POLN: variants seen among roughly 807,000 people sequenced by gnomAD.
POLN encodes the protein DNA polymerase nu.
A neutral mutation model predicts 113.5 loss-of-function variants in POLN; 108 were observed. That is an observed-to-expected ratio of 0.95 (90% CI 0.81 to 1.12). POLN has a LOEUF of 1.12. Ranked by LOEUF, POLN falls within the 50% of genes most tolerant of loss-of-function variation. The pLI, the probability that POLN is intolerant of heterozygous loss-of-function variation, is 0.00. For missense variants in POLN, 1,097 were observed against 1,077.1 expected, an observed-to-expected ratio of 1.02 and a Z score of -0.26; for synonymous variants, 386 against 391.5, an observed-to-expected ratio of 0.99 and a Z score of 0.17.
chr4:2,180,947 A>C (rs571522786), intron 7 of POLN, among the ~76,000 whole-genome samples: 14 of 152,324 alleles, frequency 9.2e-5, no homozygotes, highest in African/African-American at 3.4e-4. Flanking sequence ...TCCGAATAAT[A>C]TACTTAGAAA....
rs764578660 is a variant in POLN at position 2,207,973 on chromosome 4, C to T, written c.714+14G>A. ...GTGTCAAGACAGCAAATAAAAACATCACTGTTTACTAACCTGGTCAGCTCC... is the reference window on the plus strand; with the variant it reads ...GTGTCAAGACAGCAAATAAAAACATTACTGTTTACTAACCTGGTCAGCTCC... On this transcript the variant is annotated intron_variant, in intron 5 of 25. Coordinates refer to ENST00000511885, the MANE Select transcript of POLN (RefSeq NM_181808.4). 7.0e-6 allele frequency: 11 copies of T among 1,566,090 alleles called. No individual in the cohort carries two copies. The South Asian group carries it at 1.3e-4, about 19-fold the overall frequency.
chr4:2,201,238 G>GCCT lies in POLN; in HGVS notation c.715-2524_715-2522dup, dbSNP rs1340845850. Among the ~76,000 whole-genome samples, 5 of 110,536 alleles carry GCCT rather than the reference G, an allele frequency of 4.5e-5. No homozygotes were observed. The Admixed American group carries it at 7.0e-4, about 15-fold the overall frequency. 72.5% of individuals were successfully genotyped at this position (110,536 alleles called of 152,430 possible). On this transcript the variant is annotated intron_variant, in intron 5 of 25. Transcript: ENST00000511885. The stretch of plus-strand genomic sequence containing the variant: ...GCCCAGATCATGCCACTGCACTCCA[G>GCCT]CCTGAGTGACAGAGTGAGACTCTGT...
chr4:2,123,807 A>G (rs1397212351), intron 19 of POLN, among the ~76,000 whole-genome samples: 1 of 151,898 alleles, frequency 6.6e-6, no homozygotes, highest in African/African-American at 2.4e-5. Context: ...CTTGTCTCAA[A>G]AAAAAACCAA....
rs1390977189 is a variant in POLN, at chr4:2,081,557, G to C, written c.2308+76C>G. 9 of 1,395,460 alleles carry C rather than the reference G, an allele frequency of 6.4e-6. No individual in the cohort carries two copies. In the Admixed American group the frequency reaches 1.6e-4, roughly 25 times the overall value. 86.4% of individuals were successfully genotyped at this position (1,395,460 alleles called of 1,614,324 possible). A position where few individuals can be genotyped will look rare whatever the true frequency, so the allele number is the denominator to read the frequency against. ...GAAATACCGCAACAGTGATCGGTGG[G>C]TGCCACCCAGCCCTGCGGCTGCTAA... On this transcript the variant is annotated intron_variant, in intron 22 of 25. Transcript: ENST00000511885.
At chr4:2,216,895 A>G (rs1425016994) in intron 3 of POLN, among the ~76,000 whole-genome samples, 1 of 152,174 alleles carries the variant, frequency 6.6e-6, no homozygotes, top group Non-Finnish European at 1.5e-5. Context: ...GCCCCATGCT[A>G]TGGGCCATGC....
intron 13 of POLN, among the ~76,000 whole-genome samples, chr4:2,161,334 G>C (rs1298244866): frequency 1.3e-5 from 2 of 152,232 alleles, no homozygotes; most frequent in East Asian, 3.9e-4. Flanking sequence ...GTTCAGGGTG[G>C]GCGTGGGCTT....
At chr4:2,238,948 A>G (rs1734868653) in intron 2 of POLN, 3 of 1,600,940 alleles carry the variant, frequency 1.9e-6, no homozygotes, top group Admixed American at 3.5e-5. Context: ...CAGCAGGTAA[A>G]CTTCTGTCTT....
At position 2,222,017 on chromosome 4, in the gene POLN, C is replaced by T. The variant is rs139430460; in HGVS notation, c.133+7082G>A. On this transcript the variant is annotated intron_variant, in intron 3 of 25. Transcript: ENST00000511885. ...AAACTACCCCCAGCCACCTTGGGCA[C>T]GTCTCAGGACTTCCTAAGGCTGTGT... is the stretch of plus-strand genomic sequence containing the variant. Among the ~76,000 whole-genome samples, 500 of 152,320 alleles carry T rather than the reference C, an allele frequency of 3.3e-3. 3 individuals are homozygous for T. Among genetic ancestry groups the T allele is most frequent in the African/African-American group, 0.011 (463 of 41,558 alleles).
chr4:2,072,238 T>A lies in POLN; in HGVS notation c.2579A>T (p.Glu860Val), dbSNP rs746700537. Residue 860 changes from glutamate (E) to valine (V), a missense_variant, in exon 26 of 26, where the codon GAG becomes GTG. Transcript: ENST00000511885. Reference sequence around the variant, plus strand: ...TGGGCCTGGCGGAGGGCCCCAGGCCTCCTGCAGTGGCACCAGGTGTCCCCA... The same window carrying A: ...TGGGCCTGGCGGAGGGCCCCAGGCCACCTGCAGTGGCACCAGGTGTCCCCA... ...RSWGHLVPLQ[E>V]AWGPPPGPCR... 1 of 1,601,244 alleles carries A rather than the reference T, an allele frequency of 6.2e-7. No individual in the cohort carries two copies. The highest frequency in any genetic ancestry group is 8.5e-7 in the Non-Finnish European group (1 of 1,173,218).
intron 25 of POLN, among the ~76,000 whole-genome samples, chr4:2,072,522 T>C (rs1395906720): frequency 6.6e-6 from 1 of 152,212 alleles, no homozygotes; most frequent in South Asian, 2.1e-4. Flanking sequence ...CACCTCGATC[T>C]TGGCGGAGGT....
At chr4:2,187,139 T>C (rs747894590) in intron 7 of POLN, among the ~76,000 whole-genome samples, 1 of 152,118 alleles carries the variant, frequency 6.6e-6, no homozygotes, top group Non-Finnish European at 1.5e-5. Flanking sequence ...AAAGAGCAAA[T>C]CTAAGAATTA....
intron 4 of POLN, among the ~76,000 whole-genome samples, chr4:2,209,058 T>C (rs1288774584): frequency 6.6e-6 from 1 of 152,154 alleles, no homozygotes; most frequent in Non-Finnish European, 1.5e-5. Context: ...AGACATGTCA[T>C]GGATAGGATT....
intron 16 of POLN, among the ~76,000 whole-genome samples, chr4:2,136,577 C>T (rs1003270295): frequency 5.3e-5 from 8 of 152,226 alleles, no homozygotes; most frequent in Non-Finnish European, 7.3e-5. Flanking sequence ...CAGTGAAAGG[C>T]AAGGTGCTGA....
intron 19 of POLN, among the ~76,000 whole-genome samples, chr4:2,117,694 G>A (rs1473801464): frequency 6.6e-6 from 1 of 152,244 alleles, no homozygotes; most frequent in Non-Finnish European, 1.5e-5. Context: ...GACTGGGTAG[G>A]TGTTGAGGGA....
chr4:2,217,670 T>A (rs896556495), intron 3 of POLN, among the ~76,000 whole-genome samples: 2 of 152,218 alleles, frequency 1.3e-5, no homozygotes, highest in African/African-American at 4.8e-5. Flanking sequence ...AGCATTGCCT[T>A]GCTCCAGAGT....
At chr4:2,162,945 T>C (rs1298179033) in intron 13 of POLN, among the ~76,000 whole-genome samples, 1 of 136,856 alleles carries the variant, frequency 7.3e-6, no homozygotes, top group African/African-American at 2.8e-5. Flanking sequence ...TAAATAGTGA[T>C]CCCCCGCGCC....
chr4:2,213,945 G>A (rs932373711), intron 3 of POLN, among the ~76,000 whole-genome samples: 1 of 152,174 alleles, frequency 6.6e-6, no homozygotes, highest in Non-Finnish European at 1.5e-5. Context: ...GACAAGAAAT[G>A]TAAGCTTAGG....
At chr4:2,104,598 C>T (rs1025475512) in intron 19 of POLN, among the ~76,000 whole-genome samples, 13 of 152,254 alleles carry the variant, frequency 8.5e-5, no homozygotes, top group African/African-American at 3.1e-4. Context: ...TAAACACAAC[C>T]CTGAAGCCCT....
chr4:2,089,381 C>T (rs1206455411), intron 20 of POLN: 2 of 1,391,352 alleles, frequency 1.4e-6, no homozygotes, highest in East Asian at 2.5e-5. Flanking sequence ...GGAAAGGATC[C>T]CAAACTTAGA....
Sources: allele counts gnomAD v4.1 joint callset (sites outside exome capture counted in the v4.1 genomes callset), GRCh38; gene constraint gnomAD v4.1.1; transcripts MANE v1.5; gene names NCBI Gene and HGNC (gene_info 2026-07-23, HGNC 2026-07-21).